Variants in CSTA observed in about 807,000 individuals in gnomAD.
The protein encoded by CSTA is cystatin-A.
Under a neutral mutation model 9.2 loss-of-function variants are expected in CSTA, and 9 were observed. That is an observed-to-expected ratio of 0.97 (90% CI 0.59 to 1.70). The LOEUF is 1.70. CSTA is among the 40% of genes most tolerant of loss of function. The pLI, the probability that CSTA is intolerant of heterozygous loss-of-function variation, is 0.00. For synonymous variants in CSTA, 36 were observed against 40.6 expected, an observed-to-expected ratio of 0.89 and a Z score of 0.43; for missense variants, 118 against 113.1, an observed-to-expected ratio of 1.04 and a Z score of -0.20.
intron 1 of CSTA, among the ~76,000 whole-genome samples, chr3:122,329,550 A>G (rs2075191798): frequency 6.6e-6 from 1 of 152,188 alleles, no homozygotes; most frequent in Non-Finnish European, 1.5e-5. Flanking sequence ...TGGCCAACAA[A>G]GCGAGACTCT....
chr3:122,328,889 C>T (rs2075185589), intron 1 of CSTA, among the ~76,000 whole-genome samples: 1 of 151,076 alleles, frequency 6.6e-6, no homozygotes, highest in South Asian at 2.1e-4. Flanking sequence ...TGGAGTGAGC[C>T]GAGACTGTGC....
In CSTA at chr3:122,325,307, C is replaced by T. The variant is rs370837839; in HGVS notation, c.15C>T (p.Gly5=). 1.9e-6 allele frequency: 3 copies of T among 1,612,702 alleles called. No individual in the cohort carries two copies. Among genetic ancestry groups the T allele is most frequent in the African/African-American group, 2.7e-5 (2 of 74,588 alleles). The change falls in exon 1 of 3, where the codon GGC becomes GGT. Residue 5 remains glycine (G), a synonymous_variant. Transcript: ENST00000264474. ...AATCAGCCAAAATGATACCTGGAGG[C>T]TTATCTGAGGCCAAACCCGCCACTC... is the stretch of plus-strand genomic sequence containing the variant. The part of the protein sequence containing the change: MIPG[G]LSEAKPATPE...
chr3:122,327,555 C>T (rs1346217528), intron 1 of CSTA, among the ~76,000 whole-genome samples: 2 of 132,160 alleles, frequency 1.5e-5, no homozygotes, highest in Non-Finnish European at 3.3e-5. Flanking sequence ...AAAAAAAAGT[C>T]AGGGTGCCAA....
intron 1 of CSTA, among the ~76,000 whole-genome samples, chr3:122,333,676 A>G (rs1335661822): frequency 2.0e-5 from 3 of 147,266 alleles, no homozygotes; most frequent in Non-Finnish European, 4.6e-5. Context: ...AGGAAGAAAG[A>G]AAGAAGAAAG....
chr3:122,336,909 T>C (rs2075239702), intron 1 of CSTA, among the ~76,000 whole-genome samples: 1 of 152,148 alleles, frequency 6.6e-6, no homozygotes, highest in Admixed American at 6.5e-5. Flanking sequence ...GCCAGTATTC[T>C]TCAAAAACAT....
Position 122,333,388 on chromosome 3 carries a change from G to A in CSTA, c.67-4159G>A, listed in dbSNP as rs148804607. Among the ~76,000 whole-genome samples the A allele has an allele frequency of 9.5e-3, 1,451 of 152,094 alleles. 23 individuals are homozygous for A. Among genetic ancestry groups the A allele is most frequent in the South Asian group, 0.056 (272 of 4,822 alleles). ...TAGCTGGGAGTGGTGGCAGATGCCTGTAGTCCCAGCTACTCATGAGGCTGA... is the reference window on the plus strand; with the variant it reads ...TAGCTGGGAGTGGTGGCAGATGCCTATAGTCCCAGCTACTCATGAGGCTGA... On this transcript the variant is annotated intron_variant, in intron 1 of 2. Coordinates refer to ENST00000264474, the MANE Select transcript of CSTA (RefSeq NM_005213.4).
chr3:122,335,785 T>C (rs1385611348), intron 1 of CSTA, among the ~76,000 whole-genome samples: 1 of 151,898 alleles, frequency 6.6e-6, no homozygotes, highest in Non-Finnish European at 1.5e-5. Flanking sequence ...ACACCCACCA[T>C]TGCGCCCAGC....
intron 1 of CSTA, among the ~76,000 whole-genome samples, chr3:122,334,882 C>T (rs900831993): frequency 9.2e-5 from 14 of 152,114 alleles, no homozygotes; most frequent in African/African-American, 3.4e-4. Context: ...GTCACAATGG[C>T]GCAGGCATGA....
chr3:122,336,575 T>A (rs2075238358), intron 1 of CSTA, among the ~76,000 whole-genome samples: 1 of 152,228 alleles, frequency 6.6e-6, no homozygotes, highest in African/African-American at 2.4e-5. Context: ...AATTACCATT[T>A]GGCCAACACC....
At chr3:122,328,499 CAAA>C (rs34247215) in intron 1 of CSTA, among the ~76,000 whole-genome samples, 6 of 86,030 alleles carry the variant, frequency 7.0e-5, no homozygotes, top group Non-Finnish European at 8.9e-5. Flanking sequence ...GATTCCATCT[CAAA>C]AAAAAAAAAA....
At chr3:122,341,216 CAGGTGGG>C (rs1397178867) in intron 2 of CSTA, among the ~76,000 whole-genome samples, 1 of 152,154 alleles carries the variant, frequency 6.6e-6, no homozygotes, top group East Asian at 1.9e-4. Context: ...GCTAGGATTA[CAGGTGGG>C]AGCCACGGCA....
At chr3:122,334,075 T>C (rs2075223223) in intron 1 of CSTA, among the ~76,000 whole-genome samples, 1 of 152,204 alleles carries the variant, frequency 6.6e-6, no homozygotes, top group Non-Finnish European at 1.5e-5. Context: ...AATAACCTGT[T>C]TCCTTACTCT....
At chr3:122,330,952 C>T (rs1037763085) in intron 1 of CSTA, among the ~76,000 whole-genome samples, 7 of 152,170 alleles carry the variant, frequency 4.6e-5, no homozygotes, top group African/African-American at 1.7e-4. Flanking sequence ...GCAAAAGCCT[C>T]CGGATCATTA....
At chr3:122,333,848 C>T (rs2107667097) in intron 1 of CSTA, among the ~76,000 whole-genome samples, 1 of 152,330 alleles carries the variant, frequency 6.6e-6, no homozygotes, top group South Asian at 2.1e-4. Flanking sequence ...CATGCAAGGA[C>T]TTTAAAATAA....
At chr3:122,333,744 GA>G (rs1376741802) in intron 1 of CSTA, among the ~76,000 whole-genome samples, 3 of 149,818 alleles carry the variant, frequency 2.0e-5, no homozygotes, top group African/African-American at 2.5e-5. Flanking sequence ...GAGAAAGAAA[GA>G]AAAGAAAAGA....
At chr3:122,328,635 G>C (rs747583339) in intron 1 of CSTA, among the ~76,000 whole-genome samples, 4 of 151,956 alleles carry the variant, frequency 2.6e-5, no homozygotes, top group Admixed American at 2.6e-4. Context: ...ACTGAATGGA[G>C]AGAGTGTGGT....
chr3:122,333,660 G>GA (rs1418155804), intron 1 of CSTA, among the ~76,000 whole-genome samples: 1 of 139,670 alleles, frequency 7.2e-6, no homozygotes, highest in African/African-American at 2.7e-5. Flanking sequence ...AGGAAAGGAA[G>GA]AAAAAAGGAA....
chr3:122,333,542 AG>A (rs1162960801), intron 1 of CSTA, among the ~76,000 whole-genome samples: 3 of 32,790 alleles, frequency 9.1e-5, no homozygotes, highest in African/African-American at 3.9e-4. Context: ...AAAAGAAAGA[AG>A]AAAGAAAGAA....
intron 1 of CSTA, among the ~76,000 whole-genome samples, chr3:122,332,889 C>G (rs1334053609): frequency 6.6e-6 from 1 of 152,210 alleles, no homozygotes; most frequent in African/African-American, 2.4e-5. Context: ...CTTTCAGCAC[C>G]AAGCTACCTT....
Sources: gnomAD v4.1 joint callset for allele counts (sites outside exome capture counted in the v4.1 genomes callset) on GRCh38, gnomAD v4.1.1 for gene constraint, MANE v1.5 for transcripts, NCBI Gene and HGNC (gene_info 2026-07-23, HGNC 2026-07-21) for gene names.